The following SNX29 variants were observed in gnomAD, a reference collection of about 807,000 sequenced individuals.
SNX29 encodes the protein sorting nexin-29.
In SNX29, 78 loss-of-function variants were observed where a neutral mutation model predicts 102.1. The ratio of observed to expected loss-of-function variants is 0.76; its 90% CI spans 0.64 to 0.92. The LOEUF (loss-of-function observed/expected upper bound fraction) is 0.92. Ranked by LOEUF, SNX29 falls within the 40% of genes least tolerant of loss-of-function variation. The pLI, the probability that SNX29 is intolerant of heterozygous loss-of-function variation, is 0.00. For missense variants in SNX29, 1,280 were observed against 1,061.7 expected (o/e 1.21, Z -2.86); for synonymous variants, 580 against 414.5 (o/e 1.40, Z -4.85).
intron 10 of SNX29, among the ~76,000 whole-genome samples, chr16:12,076,638 C>T (rs531856649): frequency 5.1e-4 from 78 of 152,268 alleles, no homozygotes; most frequent in Non-Finnish European, 8.2e-4. Context: ...GGTGACAAAG[C>T]GAGACCCTGG....
At chr16:12,412,217 G>A (rs1294549581) in intron 18 of SNX29, among the ~76,000 whole-genome samples, 2 of 152,128 alleles carry the variant, frequency 1.3e-5, no homozygotes, top group African/African-American at 4.8e-5. Context: ...CAACCTATGG[G>A]GTAGGCACTG....
At chr16:12,378,471 G>A (rs937842343) in intron 16 of SNX29, among the ~76,000 whole-genome samples, 1 of 152,172 alleles carries the variant, frequency 6.6e-6, no homozygotes, top group African/African-American at 2.4e-5. Context: ...CCAATATGGT[G>A]AACCTTGTTT....
intron 14 of SNX29, among the ~76,000 whole-genome samples, chr16:12,209,116 A>C (rs1225990470): frequency 1.3e-5 from 2 of 152,098 alleles, no homozygotes; most frequent in Non-Finnish European, 2.9e-5. Flanking sequence ...GCTTTAGATA[A>C]ATTTAGTTGT....
At chr16:12,102,181 G>A (rs1355452701) in intron 11 of SNX29, among the ~76,000 whole-genome samples, 1 of 152,172 alleles carries the variant, frequency 6.6e-6, no homozygotes, top group Admixed American at 6.5e-5. Context: ...GGGCATTTGG[G>A]TTGGTTCTAA....
In SNX29 at chr16:12,570,363, A is replaced by G. The variant is rs1274618053; in HGVS notation, c.*1734A>G. On this transcript the variant is annotated 3_prime_UTR_variant, in exon 21 of 21. Coordinates refer to ENST00000566228, the MANE Select transcript of SNX29 (RefSeq NM_032167.5). ...CCACTCACCTGCCAACATTGCTGCA[A>G]TACACATGGTTTATCTGAAATTCCA... 2 of 491,338 alleles carry G rather than the reference A, an allele frequency of 4.1e-6. No homozygotes were observed. The highest frequency in any genetic ancestry group is 4.0e-5 in the African/African-American group (2 of 50,070). The allele number at this position is 491,338 out of a possible 1,614,324, so 30.4% of individuals were successfully genotyped here. A position where few individuals can be genotyped will look rare whatever the true frequency, so the allele number is the denominator to read the frequency against.
chr16:12,197,821 G>T (rs954713899), intron 13 of SNX29, among the ~76,000 whole-genome samples: 1 of 151,884 alleles, frequency 6.6e-6, no homozygotes, highest in South Asian at 2.1e-4. Flanking sequence ...CTCAGGTGAT[G>T]CCTGAGTCTA....
At chr16:12,151,413 A>G (rs2055295150) in intron 13 of SNX29, among the ~76,000 whole-genome samples, 1 of 152,122 alleles carries the variant, frequency 6.6e-6, no homozygotes, top group African/African-American at 2.4e-5. Flanking sequence ...TTACTTTTCA[A>G]AGTGTTAAGT....
At chr16:12,526,957 G>A (rs1014237776) in intron 20 of SNX29, 3 of 395,024 alleles carry the variant, frequency 7.6e-6, no homozygotes, top group East Asian at 4.3e-5. Flanking sequence ...TAATTAGCAC[G>A]CAGAACAGAA....
At chr16:12,541,279 G>C (rs1346326158) in intron 20 of SNX29, among the ~76,000 whole-genome samples, 2 of 152,154 alleles carry the variant, frequency 1.3e-5, no homozygotes, top group African/African-American at 4.8e-5. Context: ...CAGGAGCAGG[G>C]GAATACCACT....
intron 4 of SNX29, among the ~76,000 whole-genome samples, chr16:12,028,131 G>A (rs1348219586): frequency 1.3e-5 from 2 of 152,262 alleles, no homozygotes; most frequent in East Asian, 1.9e-4. Flanking sequence ...CCCTGACCAC[G>A]GCTGCTGCTG....
intron 10 of SNX29, 112 bp from the exon 11 acceptor site, chr16:12,078,721 A>G (rs1009047698): frequency 1.7e-5 from 15 of 862,806 alleles, no homozygotes; most frequent in Middle Eastern, 2.2e-4. Context: ...GACTGCCTCT[A>G]TCCCTTCTAG....
intron 13 of SNX29, among the ~76,000 whole-genome samples, chr16:12,144,600 C>G (rs537999979): frequency 3.9e-5 from 6 of 152,334 alleles, no homozygotes; most frequent in African/African-American, 1.4e-4. Flanking sequence ...AGACGCCAGC[C>G]CCTTGATCGT....
At chr16:11,995,876 A>G (rs2056052423) in intron 1 of SNX29, among the ~76,000 whole-genome samples, 1 of 152,004 alleles carries the variant, frequency 6.6e-6, no homozygotes, top group Non-Finnish European at 1.5e-5. Context: ...CCTGGCCAAC[A>G]TGGTGAAACC....
At chr16:12,255,177 T>C (rs1257237684) in intron 14 of SNX29, among the ~76,000 whole-genome samples, 1 of 150,296 alleles carries the variant, frequency 6.7e-6, no homozygotes, top group Non-Finnish European at 1.5e-5. Flanking sequence ...CTCTTCACAA[T>C]TTTCAAGGAA....
At chr16:12,268,485 A>T (rs2078999753) in intron 14 of SNX29, among the ~76,000 whole-genome samples, 1 of 152,164 alleles carries the variant, frequency 6.6e-6, no homozygotes, top group African/African-American at 2.4e-5. Context: ...GCACTTGAAG[A>T]TGGTGGATGT....
intron 18 of SNX29, among the ~76,000 whole-genome samples, chr16:12,439,738 A>G (rs931799731): frequency 1.4e-4 from 22 of 152,218 alleles, no homozygotes; most frequent in African/African-American, 4.6e-4. Context: ...CATACCAGTC[A>G]CATACTAGCC....
intron 18 of SNX29, among the ~76,000 whole-genome samples, chr16:12,423,991 C>T (rs1173755107): frequency 6.6e-6 from 1 of 152,210 alleles, no homozygotes; most frequent in African/African-American, 2.4e-5. Context: ...GTGTGAGGTC[C>T]ATGAAGTGAA....
intron 13 of SNX29, among the ~76,000 whole-genome samples, chr16:12,137,513 G>T (rs2141473920): frequency 6.6e-6 from 1 of 152,330 alleles, no homozygotes; most frequent in Middle Eastern, 3.4e-3. Context: ...GTGCATGTGA[G>T]ATTGAGAACT....
chr16:12,350,750 C>G (rs539373615), intron 15 of SNX29, among the ~76,000 whole-genome samples: 9 of 152,180 alleles, frequency 5.9e-5, no homozygotes, highest in Non-Finnish European at 1.0e-4. Context: ...ACCAGTGGCT[C>G]TCAACTCTGA....
Sources: allele counts gnomAD v4.1 joint callset (sites outside exome capture counted in the v4.1 genomes callset), GRCh38; gene constraint gnomAD v4.1.1; transcripts MANE v1.5; gene names NCBI Gene and HGNC (gene_info 2026-07-23, HGNC 2026-07-21).